MMP16: variants seen among roughly 807,000 people sequenced by gnomAD.
MMP16 encodes matrix metallopeptidase 16.
In MMP16, 12 loss-of-function variants were observed where a neutral mutation model predicts 67.8. The ratio of observed to expected loss-of-function variants is 0.18; its 90% CI spans 0.11 to 0.29. MMP16 has a LOEUF of 0.29. Among genes scored for constraint, MMP16 ranks in the 10% least tolerant of loss-of-function variants. The pLI, the probability that MMP16 is intolerant of heterozygous loss-of-function variation, is 1.00. For synonymous variants in MMP16, 249 were observed against 255.9 expected (o/e 0.97, Z 0.26); for missense variants, 475 against 765.7 (o/e 0.62, Z 4.48).
At chr8:88,120,743 T>C (rs1807816109) in intron 4 of MMP16, among the ~76,000 whole-genome samples, 1 of 151,892 alleles carries the variant, frequency 6.6e-6, no homozygotes, top group African/African-American at 2.4e-5. Context: ...ACTCAGAAAA[T>C]AGCTTCAGAA....
At chr8:88,204,798 C>G (rs1434448830) in intron 1 of MMP16, among the ~76,000 whole-genome samples, 1 of 152,180 alleles carries the variant, frequency 6.6e-6, no homozygotes, top group Non-Finnish European at 1.5e-5. Flanking sequence ...CACACTTACT[C>G]TCCTGAAAAG....
chr8:88,262,991 C>G (rs1339013570), intron 1 of MMP16, among the ~76,000 whole-genome samples: 1 of 151,218 alleles, frequency 6.6e-6, no homozygotes, highest in African/African-American at 2.4e-5. Context: ...CGCCACTGCA[C>G]TCCAGCCTGG....
At chr8:88,062,323 T>C (rs1017020509) in intron 7 of MMP16, among the ~76,000 whole-genome samples, 1 of 152,078 alleles carries the variant, frequency 6.6e-6, no homozygotes, top group Non-Finnish European at 1.5e-5. Context: ...ACTCAAAGGA[T>C]TATAAATCAT....
chr8:88,327,377 C>A lies in MMP16; in HGVS notation c.-171G>T. 1.4e-6 allele frequency: 1 copy of A among 695,694 alleles called. No individual in the cohort carries two copies. The highest frequency in any genetic ancestry group is 2.8e-5 in the East Asian group (1 of 35,198). The allele number at this position is 695,694 out of a possible 1,614,324, so 43.1% of individuals were successfully genotyped here. A position where few individuals can be genotyped will look rare whatever the true frequency, so the allele number is the denominator to read the frequency against. On this transcript the variant is annotated 5_prime_UTR_variant, in exon 1 of 10. Coordinates refer to ENST00000286614, the MANE Select transcript of MMP16 (RefSeq NM_005941.5). ...AGACAGGGGCCCCGCGCTCGGCAGC[C>A]CCCGAGAGGCAGCGGCGAAGACAGG...
intron 1 of MMP16, among the ~76,000 whole-genome samples, chr8:88,198,704 G>GA (rs1445106559): frequency 1.3e-5 from 2 of 150,648 alleles, no homozygotes; most frequent in Non-Finnish European, 3.0e-5. Flanking sequence ...ACATCCCCTT[G>GA]AAAATAAAAA....
chr8:88,136,150 G>A (rs1350475687), intron 4 of MMP16, among the ~76,000 whole-genome samples: 1 of 151,746 alleles, frequency 6.6e-6, no homozygotes, highest in Non-Finnish European at 1.5e-5. Context: ...ATAAAGTAGA[G>A]GTTAAATAAA....
At chr8:88,310,819 T>C (rs1255784922) in intron 1 of MMP16, among the ~76,000 whole-genome samples, 1 of 152,186 alleles carries the variant, frequency 6.6e-6, no homozygotes, top group Non-Finnish European at 1.5e-5. Flanking sequence ...CCTTAAATTT[T>C]TCTACTAGCA....
intron 6 of MMP16, among the ~76,000 whole-genome samples, chr8:88,100,634 C>T (rs1375453629): frequency 6.6e-6 from 1 of 151,946 alleles, no homozygotes; most frequent in Non-Finnish European, 1.5e-5. Flanking sequence ...TGGGTATATA[C>T]CCAAAGGATT....
chr8:88,239,798 A>G (rs970332491), intron 1 of MMP16, among the ~76,000 whole-genome samples: 24 of 152,186 alleles, frequency 1.6e-4, no homozygotes, highest in Non-Finnish European at 2.6e-4. Context: ...CAGTTGAAAT[A>G]AAAGTCAAAA....
intron 1 of MMP16, among the ~76,000 whole-genome samples, chr8:88,222,911 C>T (rs1310800470): frequency 6.6e-6 from 1 of 151,934 alleles, no homozygotes; most frequent in Admixed American, 6.6e-5. Context: ...AACAGGCAAC[C>T]TACAGAATGG....
intron 6 of MMP16, among the ~76,000 whole-genome samples, chr8:88,088,541 A>G (rs1275850168): frequency 6.6e-6 from 1 of 151,974 alleles, no homozygotes; most frequent in African/African-American, 2.4e-5. Flanking sequence ...AAAGCAAAAC[A>G]CCCCTGAAAG....
At chr8:88,182,575 G>C (rs1808998559) in intron 3 of MMP16, among the ~76,000 whole-genome samples, 1 of 152,138 alleles carries the variant, frequency 6.6e-6, no homozygotes, top group African/African-American at 2.4e-5. Flanking sequence ...GGTGGGGCTT[G>C]TAGGTCTACA....
At chr8:88,044,792 T>C (rs1296608203) in intron 9 of MMP16, among the ~76,000 whole-genome samples, 2 of 152,228 alleles carry the variant, frequency 1.3e-5, no homozygotes, top group Non-Finnish European at 2.9e-5. Flanking sequence ...TTTTTTACTC[T>C]TACACGTTTA....
chr8:88,131,484 C>T (rs1266337756), intron 4 of MMP16, among the ~76,000 whole-genome samples: 2 of 151,662 alleles, frequency 1.3e-5, no homozygotes, highest in African/African-American at 4.8e-5. Flanking sequence ...CCACTGTATG[C>T]CCAACCAGAA....
At chr8:88,177,893 C>T (rs756099564) in intron 3 of MMP16, among the ~76,000 whole-genome samples, 3 of 151,078 alleles carry the variant, frequency 2.0e-5, no homozygotes, top group Non-Finnish European at 2.9e-5. Flanking sequence ...CAGGGCTCCA[C>T]TATATTATAT....
chr8:88,048,129 A>C (rs1483412341), intron 8 of MMP16, among the ~76,000 whole-genome samples: 1 of 152,186 alleles, frequency 6.6e-6, no homozygotes, highest in Non-Finnish European at 1.5e-5. Context: ...AGGAACCATG[A>C]CTTTGGTGTT....
In MMP16 at chr8:88,215,829, C is replaced by T. The variant is rs532698987; in HGVS notation, c.133-18523G>A. ...ACACTTCAGAGTGTGCAGCCTTTTT[C>T]GTGCTAGGATTCTGACTGACATGTA... On this transcript the variant is annotated intron_variant, in intron 1 of 9. Transcript: ENST00000286614. Among the ~76,000 whole-genome samples the T allele has an allele frequency of 3.9e-5, 6 of 152,114 alleles. No homozygotes were observed. In the South Asian group the frequency reaches 1.0e-3, roughly 26 times the overall value.
intron 1 of MMP16, among the ~76,000 whole-genome samples, chr8:88,315,835 G>C (rs1398086752): frequency 6.6e-6 from 1 of 152,158 alleles, no homozygotes; most frequent in Non-Finnish European, 1.5e-5. Context: ...AGCCAAGATA[G>C]GCCAAGAGCT....
At chr8:88,214,857 T>C (rs1269234531) in intron 1 of MMP16, among the ~76,000 whole-genome samples, 1 of 152,186 alleles carries the variant, frequency 6.6e-6, no homozygotes, top group Non-Finnish European at 1.5e-5. Context: ...GCTCCCTGTT[T>C]ACTGCCAGTG....
Sources: allele counts gnomAD v4.1 joint callset (sites outside exome capture counted in the v4.1 genomes callset), GRCh38; gene constraint gnomAD v4.1.1; transcripts MANE v1.5; gene names NCBI Gene and HGNC (gene_info 2026-07-23, HGNC 2026-07-21).